CADM3: variants seen among roughly 807,000 people sequenced by gnomAD.
CADM3 encodes cell adhesion molecule 3.
In CADM3, 11 loss-of-function variants were observed where a neutral mutation model predicts 44.9. The ratio of observed to expected loss-of-function variants is 0.25; its 90% CI spans 0.15 to 0.41. The LOEUF is 0.41. CADM3 is among the 10% of genes least tolerant of loss of function. The pLI is 1.00. For missense variants in CADM3, 426 were observed against 512.0 expected, an observed-to-expected ratio of 0.83 and a Z score of 1.62; for synonymous variants, 207 against 205.2, an observed-to-expected ratio of 1.01 and a Z score of -0.08.
chr1:159,192,802 A>C (rs1649729378), intron 3 of CADM3, 72 bp downstream of exon 3: 1 of 1,487,486 alleles, frequency 6.7e-7, no homozygotes, highest in African/African-American at 1.4e-5. Flanking sequence ...TGGGTCCCTG[A>C]AGCAGCTGGG....
intron 1 of CADM3, among the ~76,000 whole-genome samples, chr1:159,182,086 ACG>A (rs1386012736): frequency 2.6e-4 from 32 of 120,758 alleles, no homozygotes; most frequent in Non-Finnish European, 3.4e-4. Context: ...ACACACACAC[ACG>A]CACACACACA....
At chr1:159,176,090 A>G (rs34439705) in intron 1 of CADM3, among the ~76,000 whole-genome samples, 3,280 of 152,270 alleles carry the variant, frequency 0.022, 45 homozygotes, top group Non-Finnish European at 0.03. Context: ...GGAACTGCAT[A>G]CTGGCTCAAC....
chr1:159,177,988 T>A lies in CADM3; in HGVS notation c.88+6135T>A, dbSNP rs532465327. Among the ~76,000 whole-genome samples, 8 of 152,334 alleles carry A rather than the reference T, an allele frequency of 5.3e-5. No homozygotes were observed. In the South Asian group the frequency reaches 1.7e-3, roughly 32 times the overall value. On this transcript the variant is annotated intron_variant, in intron 1 of 8. Coordinates refer to ENST00000368125, the MANE Select transcript of CADM3 (RefSeq NM_001127173.3). Reference sequence around the variant, plus strand: ...TCCCACAGATACTAAAATCTGCAGATGCACAAGTCCTTGATATCAAATGGA... The same window carrying A: ...TCCCACAGATACTAAAATCTGCAGAAGCACAAGTCCTTGATATCAAATGGA...
chr1:159,196,226 G>A (rs994495747), intron 5 of CADM3, 138 bp from the exon 6 acceptor site: 3 of 628,226 alleles, frequency 4.8e-6, no homozygotes, highest in Non-Finnish European at 8.6e-6. Flanking sequence ...TTCATGAGAA[G>A]TAGGAGAAGG....
intron 1 of CADM3, among the ~76,000 whole-genome samples, chr1:159,177,828 G>A (rs1198736253): frequency 6.6e-6 from 1 of 152,190 alleles, no homozygotes; most frequent in Non-Finnish European, 1.5e-5. Context: ...AGAACTGAAT[G>A]TTTTGTCATA....
At chr1:159,175,611 A>C (rs1213617046) in intron 1 of CADM3, among the ~76,000 whole-genome samples, 1 of 152,224 alleles carries the variant, frequency 6.6e-6, no homozygotes, top group Non-Finnish European at 1.5e-5. Context: ...ACACATTCTT[A>C]TAATCCTTAA....
At chr1:159,173,651 T>C (rs1394064705) in intron 1 of CADM3, among the ~76,000 whole-genome samples, 2 of 152,184 alleles carry the variant, frequency 1.3e-5, no homozygotes, top group African/African-American at 4.8e-5. Context: ...TTAATGACCC[T>C]GCTACTAGGC....
intron 1 of CADM3, chr1:159,189,772 C>T (rs774981672): frequency 6.2e-7 from 1 of 1,604,032 alleles, no homozygotes; most frequent in South Asian, 1.1e-5. Flanking sequence ...TCTCCCCAGG[C>T]TACTGGCAGG....
chr1:159,197,071 C>A lies in CADM3; in HGVS notation c.952+11C>A. 1 of 1,611,988 alleles carries A rather than the reference C, an allele frequency of 6.2e-7. No homozygotes were observed. The highest frequency in any genetic ancestry group is 8.5e-7 in the Non-Finnish European group (1 of 1,178,350). On this transcript the variant is annotated intron_variant, in intron 7 of 8. Transcript: ENST00000368125. ...CCCTCAATGTTAATGGTAAGCCCTC[C>A]TCAGTTCTCTTCCTCCAGAATCTCC...
chr1:159,192,034 T>C lies in CADM3; in HGVS notation c.187T>C (p.Ser63Pro). 1 of 1,614,130 alleles carries C rather than the reference T, an allele frequency of 6.2e-7. No homozygotes were observed. The highest frequency in any genetic ancestry group is 8.5e-7 in the Non-Finnish European group (1 of 1,180,014). ...TCACGAGGACTCATCCCTGCAATGG[T>C]CTAACCCTGCTCAGCAGACTCTCTA... ...KDHEDSSLQWSNPAQQTLYFG... is the reference protein window; with the variant it reads ...KDHEDSSLQWPNPAQQTLYFG... The change falls in exon 2 of 9, where the codon TCT becomes CCT. Residue 63 changes from serine to proline, a missense_variant. Around this residue, in one of 2 missense-constraint regions of CADM3, gnomAD observed 362 missense variants for 474.6 expected, o/e 0.76. Transcript: ENST00000368125.
At chr1:159,192,212 A>G in intron 2 of CADM3, 136 bp downstream of exon 2, 1 of 928,284 alleles carries the variant, frequency 1.1e-6, no homozygotes, top group South Asian at 1.7e-5. Context: ...GTAACAAGCC[A>G]TGAGTTCCCC....
chr1:159,192,811 G>A (rs1571020201), intron 3 of CADM3, 81 bp downstream of exon 3: 1 of 1,442,706 alleles, frequency 6.9e-7, no homozygotes, highest in East Asian at 2.3e-5. Context: ...GAAGCAGCTG[G>A]GAGCCAGGCA....
At chr1:159,199,907 C>G (rs1650081761) in intron 8 of CADM3, 31 bp downstream of exon 8, 1 of 1,609,398 alleles carries the variant, frequency 6.2e-7, no homozygotes, top group Non-Finnish European at 8.5e-7. Context: ...ATCAGCAGAA[C>G]TTGGGAGGGG....
At chr1:159,193,762 C>A in intron 4 of CADM3, 108 bp from the exon 5 acceptor site, 1 of 1,495,724 alleles carries the variant, frequency 6.7e-7, no homozygotes, top group Non-Finnish European at 9.2e-7. Flanking sequence ...TAGGTTGAGA[C>A]TCACCATCTG....
intron 1 of CADM3, among the ~76,000 whole-genome samples, chr1:159,173,025 A>G (rs1648879539): frequency 6.6e-6 from 1 of 151,772 alleles, no homozygotes; most frequent in Non-Finnish European, 1.5e-5. Context: ...CTGTCGGAAG[A>G]GGAGGAGGGC....
chr1:159,196,829 T>A (rs1374822085), intron 6 of CADM3, 62 bp from the exon 7 acceptor site: 3 of 1,493,426 alleles, frequency 2.0e-6, no homozygotes, highest in African/African-American at 2.8e-5. Context: ...GTTATTTTTT[T>A]TTTTCTTTTA....
chr1:159,196,308 G>T, intron 5 of CADM3, 56 bp from the exon 6 acceptor site: 1 of 1,386,720 alleles, frequency 7.2e-7, no homozygotes. Flanking sequence ...ACTAAGTGAG[G>T]GAATCTCCTA....
chr1:159,199,830 G>T lies in CADM3; in HGVS notation c.1032G>T (p.Leu344=). The change falls in exon 8 of 9, where the codon CTG becomes CTT. Residue 344 remains leucine, a synonymous_variant. Transcript: ENST00000368125. Reference sequence around the variant, plus strand: ...TCGTGGCTTTCATTGTCTTCCTGCTGCTCATCATGCTCATCTTCCTTGGCC... The same window carrying T: ...TCGTGGCTTTCATTGTCTTCCTGCTTCTCATCATGCTCATCTTCCTTGGCC... ...GGIVAFIVFL[L]LIMLIFLGHY... The T allele has an allele frequency of 6.2e-7, 1 of 1,614,038 alleles. No homozygotes were observed. Among genetic ancestry groups the T allele is most frequent in the African/African-American group, 1.3e-5 (1 of 74,982 alleles).
chr1:159,171,908 G>C, intron 1 of CADM3, 55 bp downstream of exon 1: 3 of 1,147,814 alleles, frequency 2.6e-6, no homozygotes, highest in Non-Finnish European at 3.3e-6. Flanking sequence ...CGAGGCGGGG[G>C]CTGGGATCGG....
Sources: allele counts gnomAD v4.1 joint callset (sites outside exome capture counted in the v4.1 genomes callset), GRCh38; gene constraint gnomAD v4.1.1; regional missense constraint gnomAD v4.1.1; transcripts MANE v1.5; gene names NCBI Gene and HGNC (gene_info 2026-07-23, HGNC 2026-07-21).